Variants in TNNI3K observed in about 807,000 individuals in gnomAD.
The protein encoded by TNNI3K is serine/threonine-protein kinase TNNI3K.
TNNI3K carries 140 observed loss-of-function variants against 114.5 expected under a neutral mutation model. That is an observed-to-expected ratio of 1.22 (90% CI 1.07 to 1.41). TNNI3K has a LOEUF of 1.41. Among genes scored for constraint, TNNI3K ranks in the 40% most tolerant of loss-of-function variants. The pLI is 0.00. For missense variants in TNNI3K, 1,125 were observed against 1,007.6 expected (o/e 1.12, Z -1.58); for synonymous variants, 347 against 347.5 (o/e 1.00, Z 0.02).
Position 74,351,534 on chromosome 1 carries a change from TTCTCCTGGATAA to T in TNNI3K, c.933-1730_933-1719del, listed in dbSNP as rs1159247946. Among the ~76,000 whole-genome samples the T allele has an allele frequency of 2.6e-5, 4 of 152,338 alleles. No individual in the cohort carries two copies. The East Asian group carries it at 7.7e-4, about 29-fold the overall frequency. Reference sequence around the variant, plus strand: ...GGCCTGCCTTGCTAGATTGGGGAAGTTCTCCTGGATAATATCCTGCAGAGTGTTTTCCAACTT... The same window carrying T: ...GGCCTGCCTTGCTAGATTGGGGAAGTTATCCTGCAGAGTGTTTTCCAACTT... On this transcript the variant is annotated intron_variant, in intron 9 of 24. Transcript: ENST00000326637.
chr1:74,367,405 T>C lies in TNNI3K; in HGVS notation c.1264+63T>C. 3.8e-6 allele frequency: 6 copies of C among 1,563,778 alleles called. No homozygotes were observed. In the South Asian group the frequency reaches 6.7e-5, roughly 18 times the overall value. On this transcript the variant is annotated intron_variant, in intron 12 of 24. Coordinates refer to ENST00000326637, the MANE Select transcript of TNNI3K (RefSeq NM_015978.3). ...TATATTGTGCCTAAAGGTAAACCTG[T>C]GTTTCTGTTACTATCATTCTTTCAG... is the stretch of plus-strand genomic sequence containing the variant.
intron 21 of TNNI3K, among the ~76,000 whole-genome samples, chr1:74,483,764 G>A (rs1434032342): frequency 6.6e-6 from 1 of 152,074 alleles, no homozygotes; most frequent in Non-Finnish European, 1.5e-5. Context: ...AAATCACATA[G>A]CGGGTAGGTA....
intron 17 of TNNI3K, chr1:74,375,498 C>T (rs1662860167): frequency 2.2e-6 from 1 of 448,202 alleles, no homozygotes; most frequent in African/African-American, 2.0e-5. Context: ...TAGAAACCTC[C>T]CCAGATTGCT....
chr1:74,449,548 G>A (rs1666889290), intron 20 of TNNI3K, among the ~76,000 whole-genome samples: 1 of 151,926 alleles, frequency 6.6e-6, no homozygotes, highest in Non-Finnish European at 1.5e-5. Context: ...CAAAATAAAA[G>A]GATGGAGGAA....
Position 74,458,202 on chromosome 1 carries a change from C to T in TNNI3K, c.2012-5239C>T, listed in dbSNP as rs150952920. Among the ~76,000 whole-genome samples, 519 of 152,258 alleles carry T rather than the reference C, an allele frequency of 3.4e-3. 1 individual carries two copies. Among genetic ancestry groups the T allele is most frequent in the African/African-American group, 0.012 (503 of 41,554 alleles). ...AAGTTCTTTTAGGATAAGACATTTG[C>T]TCAATGTCACATGCTAGTAAGAGGG... On this transcript the variant is annotated intron_variant, in intron 20 of 24. Transcript: ENST00000326637.
intron 17 of TNNI3K, among the ~76,000 whole-genome samples, chr1:74,383,621 C>T (rs1357181946): frequency 6.6e-6 from 1 of 152,114 alleles, no homozygotes; most frequent in Non-Finnish European, 1.5e-5. Flanking sequence ...AGTGTTCCCA[C>T]TACACACTAA....
chr1:74,323,101 T>A (rs1659710740), intron 5 of TNNI3K, among the ~76,000 whole-genome samples: 1 of 152,166 alleles, frequency 6.6e-6, no homozygotes, highest in African/African-American at 2.4e-5. Context: ...TTTTTTTCAG[T>A]CAAGTGCAAA....
chr1:74,327,899 A>C (rs1488213192), intron 5 of TNNI3K, among the ~76,000 whole-genome samples: 1 of 151,210 alleles, frequency 6.6e-6, no homozygotes, highest in Non-Finnish European at 1.5e-5. Flanking sequence ...TTTTCTGAGA[A>C]AAAAAATCAT....
At chr1:74,480,106 T>A (rs559019679) in intron 21 of TNNI3K, 2 of 666,156 alleles carry the variant, frequency 3.0e-6, no homozygotes, top group Admixed American at 2.3e-5. Flanking sequence ...TGCAAAAATA[T>A]GGACAAGAGA....
rs115546464 is a variant in TNNI3K, at chr1:74,385,189, C to A, written c.1772+14797C>A. ...TGTATATAATTTTAGAAAATGCAAACTAATCAATAGAGTTGAAAAGATTAG... is the reference window on the plus strand; with the variant it reads ...TGTATATAATTTTAGAAAATGCAAAATAATCAATAGAGTTGAAAAGATTAG... On this transcript the variant is annotated intron_variant, in intron 17 of 24. Coordinates refer to ENST00000326637, the MANE Select transcript of TNNI3K (RefSeq NM_015978.3). Among the ~76,000 whole-genome samples, 386 of 152,166 alleles carry A rather than the reference C, an allele frequency of 2.5e-3. 2 individuals carry two copies. The highest frequency in any genetic ancestry group is 8.9e-3 in the African/African-American group (371 of 41,524).
At chr1:74,494,887 G>T (rs1050342529) in intron 23 of TNNI3K, among the ~76,000 whole-genome samples, 4 of 152,180 alleles carry the variant, frequency 2.6e-5, no homozygotes, top group Non-Finnish European at 5.9e-5. Context: ...GTCCAAAAAT[G>T]TAGGCAAGTC....
At chr1:74,251,488 A>C (rs572915503) in intron 4 of TNNI3K, among the ~76,000 whole-genome samples, 1 of 152,358 alleles carries the variant, frequency 6.6e-6, no homozygotes, top group South Asian at 2.1e-4. Flanking sequence ...ACTGCATATT[A>C]GGATTTACTT....
chr1:74,543,363 C>A (rs927434344), intron 24 of TNNI3K, among the ~76,000 whole-genome samples: 15 of 152,046 alleles, frequency 9.9e-5, no homozygotes, highest in African/African-American at 2.2e-4. Flanking sequence ...TGAGCCACTG[C>A]ACCTGGACTC....
At chr1:74,532,942 G>A (rs986088635) in intron 23 of TNNI3K, among the ~76,000 whole-genome samples, 1 of 152,092 alleles carries the variant, frequency 6.6e-6, no homozygotes, top group African/African-American at 2.4e-5. Flanking sequence ...TTAAACGCTA[G>A]ACCTAAAACC....
chr1:74,488,858 T>C (rs1668897117), intron 21 of TNNI3K, among the ~76,000 whole-genome samples: 1 of 152,216 alleles, frequency 6.6e-6, no homozygotes, highest in Non-Finnish European at 1.5e-5. Flanking sequence ...AGATAGTTAA[T>C]AGTTTTTAGT....
At chr1:74,445,909 C>T (rs1211560731) in intron 20 of TNNI3K, among the ~76,000 whole-genome samples, 3 of 152,024 alleles carry the variant, frequency 2.0e-5, no homozygotes, top group Non-Finnish European at 2.9e-5. Flanking sequence ...CGTGCCCGGC[C>T]GTTCCACATT....
At chr1:74,395,552 A>G (rs1263671044) in intron 17 of TNNI3K, among the ~76,000 whole-genome samples, 1 of 152,186 alleles carries the variant, frequency 6.6e-6, no homozygotes, top group African/African-American at 2.4e-5. Flanking sequence ...GGAAAACTGG[A>G]CTATGTGTAC....
intron 17 of TNNI3K, among the ~76,000 whole-genome samples, chr1:74,427,006 A>G (rs1162104244): frequency 6.6e-6 from 1 of 152,126 alleles, no homozygotes; most frequent in Admixed American, 6.5e-5. Flanking sequence ...TTTATAGAAT[A>G]AGGGATCATT....
intron 23 of TNNI3K, among the ~76,000 whole-genome samples, chr1:74,536,348 C>T (rs1646660441): frequency 6.6e-6 from 1 of 152,128 alleles, no homozygotes; most frequent in African/African-American, 2.4e-5. Flanking sequence ...ATACAGTTTA[C>T]ATATTGTGGA....
Sources: gnomAD v4.1 joint callset for allele counts (sites outside exome capture counted in the v4.1 genomes callset) on GRCh38, gnomAD v4.1.1 for gene constraint, MANE v1.5 for transcripts, NCBI Gene and HGNC (gene_info 2026-07-23, HGNC 2026-07-21) for gene names.